Variants in SMAD2 observed in about 807,000 individuals in gnomAD.
SMAD2 encodes the protein SMAD family member 2.
SMAD2 carries 8 observed loss-of-function variants against 64.4 expected under a neutral mutation model. That is an observed-to-expected ratio of 0.12 (90% CI 0.07 to 0.22). The LOEUF is 0.22. Among genes scored for constraint, SMAD2 ranks in the 10% least tolerant of loss-of-function variants. The pLI is 1.00. For missense variants in SMAD2, 289 were observed against 561.2 expected (o/e 0.51, Z 4.90); for synonymous variants, 203 against 195.8 (o/e 1.04, Z -0.31).
At chr18:47,894,011 C>CA (rs1159681082) in intron 2 of SMAD2, among the ~76,000 whole-genome samples, 2 of 152,126 alleles carry the variant, frequency 1.3e-5, no homozygotes, top group South Asian at 2.1e-4. Context: ...TATGAGCTCT[C>CA]AGAGATCTCT....
intron 6 of SMAD2, among the ~76,000 whole-genome samples, chr18:47,863,712 G>A (rs1182283147): frequency 2.6e-5 from 4 of 152,120 alleles, no homozygotes; most frequent in Non-Finnish European, 5.9e-5. Context: ...GGACATCTGA[G>A]TTGTTTCTAA....
chr18:47,861,354 C>A (rs542383858), intron 6 of SMAD2, among the ~76,000 whole-genome samples: 4 of 152,092 alleles, frequency 2.6e-5, no homozygotes, highest in African/African-American at 7.2e-5. Flanking sequence ...AAAAACTGTC[C>A]TTATCAACAG....
At chr18:47,866,917 A>G (rs1404550499) in intron 5 of SMAD2, 2 of 152,260 alleles carry the variant, frequency 1.3e-5, no homozygotes, top group Non-Finnish European at 2.9e-5. Flanking sequence ...GAAAGCCACT[A>G]AACATTCTGG....
chr18:47,898,029 TAC>T (rs2033516846), intron 1 of SMAD2, among the ~76,000 whole-genome samples: 1 of 152,232 alleles, frequency 6.6e-6, no homozygotes, highest in African/African-American at 2.4e-5. Context: ...CAATGATGCT[TAC>T]ATTTTCATTA....
chr18:47,844,325 C>T (rs1914270444), intron 10 of SMAD2, among the ~76,000 whole-genome samples: 1 of 152,132 alleles, frequency 6.6e-6, no homozygotes, highest in South Asian at 2.1e-4. Flanking sequence ...GACTAAATTG[C>T]TGGAAGAAGC....
At position 47,839,126 on chromosome 18, in the gene SMAD2, A is replaced by C. The variant is rs1913703551; in HGVS notation, c.*2701T>G. The C allele has an allele frequency of 4.3e-6, 1 of 233,252 alleles. No individual in the cohort carries two copies. The highest frequency in any genetic ancestry group is 8.5e-6 in the Non-Finnish European group (1 of 118,050). The allele number at this position is 233,252 out of a possible 1,614,324, so 14.4% of individuals were successfully genotyped here. On this transcript the variant is annotated 3_prime_UTR_variant, in exon 11 of 11. Transcript: ENST00000262160. Reference sequence around the variant, plus strand: ...AAATGTAATTACAACCAGGAAGTAAACTGCTCAACAGGTATAACTGCTCAA... The same window carrying C: ...AAATGTAATTACAACCAGGAAGTAACCTGCTCAACAGGTATAACTGCTCAA...
intron 2 of SMAD2, among the ~76,000 whole-genome samples, chr18:47,889,520 C>T (rs1331983696): frequency 6.6e-6 from 1 of 151,922 alleles, no homozygotes; most frequent in East Asian, 1.9e-4. Flanking sequence ...ACCTGTAATC[C>T]CAGCACTTTG....
rs952437227 is a variant in SMAD2, at chr18:47,841,674, C to G, written c.*153G>C. On this transcript the variant is annotated 3_prime_UTR_variant, in exon 11 of 11. Coordinates refer to ENST00000262160, the MANE Select transcript of SMAD2 (RefSeq NM_005901.6). ...CCATCTAATATTCAAATATAGGAAA[C>G]AGATTCCACAAGGTGCTTTAATTGA... 4 of 760,144 alleles carry G rather than the reference C, an allele frequency of 5.3e-6. No individual in the cohort carries two copies. The highest frequency in any genetic ancestry group is 9.0e-6 in the Non-Finnish European group (4 of 445,996). The allele number at this position is 760,144 out of a possible 1,614,324, so 47.1% of individuals were successfully genotyped here. A position where few individuals can be genotyped will look rare whatever the true frequency, so the allele number is the denominator to read the frequency against.
rs765659304 is a variant in SMAD2, at chr18:47,823,876, A to G, written c.*17951T>C. 8.5e-5 allele frequency: 13 copies of G among 152,214 alleles called. No homozygotes were observed. The highest frequency in any genetic ancestry group is 1.3e-4 in the Non-Finnish European group (9 of 68,042). 9.4% of individuals were successfully genotyped at this position (152,214 alleles called of 1,614,324 possible). A position where few individuals can be genotyped will look rare whatever the true frequency, so the allele number is the denominator to read the frequency against. The stretch of plus-strand genomic sequence containing the variant: ...CCAAATTTTCTGCAGAAAGAAGTAC[A>G]ATTCCTAACAGAATAATGCTAGCCC... On this transcript the variant is annotated 3_prime_UTR_variant, in exon 11 of 11. Coordinates refer to ENST00000262160, the MANE Select transcript of SMAD2 (RefSeq NM_005901.6).
In SMAD2 at chr18:47,810,437, C is replaced by T. The variant is rs753065044; in HGVS notation, c.*31390G>A. The T allele has an allele frequency of 2.0e-5, 3 of 152,294 alleles. No individual in the cohort carries two copies. The highest frequency in any genetic ancestry group is 4.4e-5 in the Non-Finnish European group (3 of 68,104). 9.4% of individuals were successfully genotyped at this position (152,294 alleles called of 1,614,324 possible). On this transcript the variant is annotated 3_prime_UTR_variant, in exon 11 of 11. Transcript: ENST00000262160. ...TCCCTGCCCACCTTAATTGCCCCCA[C>T]TGGAACCCTGCAGCAGTTTATGCTA...
At chr18:47,892,277 G>A (rs1041610260) in intron 2 of SMAD2, among the ~76,000 whole-genome samples, 10 of 148,896 alleles carry the variant, frequency 6.7e-5, no homozygotes, top group East Asian at 5.9e-4. Flanking sequence ...TGGGCTCACC[G>A]CAACCTGTGC....
chr18:47,881,003 G>A (rs1019507283), intron 2 of SMAD2, among the ~76,000 whole-genome samples: 1 of 152,118 alleles, frequency 6.6e-6, no homozygotes, highest in African/African-American at 2.4e-5. Context: ...CTTACCTATG[G>A]TGCTTCAAGG....
Position 47,830,173 on chromosome 18 carries a change from G to A in SMAD2, c.*11654C>T, listed in dbSNP as rs1446753963. The A allele has an allele frequency of 3.3e-5, 5 of 152,172 alleles. No homozygotes were observed. The highest frequency in any genetic ancestry group is 1.3e-4 in the Admixed American group (2 of 15,282). The allele number at this position is 152,172 out of a possible 1,614,324, so 9.4% of individuals were successfully genotyped here. A position where few individuals can be genotyped will look rare whatever the true frequency, so the allele number is the denominator to read the frequency against. The stretch of plus-strand genomic sequence containing the variant: ...ATGATTTAAAAGTTGAAATGAAGTA[G>A]CTTGTGGTTCTTGGGTAAAACAGAC... On this transcript the variant is annotated 3_prime_UTR_variant, in exon 11 of 11. Coordinates refer to ENST00000262160, the MANE Select transcript of SMAD2 (RefSeq NM_005901.6).
chr18:47,900,524 G>C (rs1378367024), intron 1 of SMAD2, among the ~76,000 whole-genome samples: 1 of 151,582 alleles, frequency 6.6e-6, no homozygotes. Context: ...TATCAGTTTT[G>C]CTAAGTGGTC....
At chr18:47,844,155 CA>C (rs1260196332) in intron 10 of SMAD2, among the ~76,000 whole-genome samples, 4 of 152,172 alleles carry the variant, frequency 2.6e-5, no homozygotes, top group Non-Finnish European at 4.4e-5. Flanking sequence ...CAATATAACT[CA>C]GAAAAAAATA....
chr18:47,871,113 G>A (rs1223247857), intron 2 of SMAD2, among the ~76,000 whole-genome samples: 1 of 152,114 alleles, frequency 6.6e-6, no homozygotes, highest in Non-Finnish European at 1.5e-5. Context: ...TTCTAATTTA[G>A]TATACCACCT....
Position 47,827,554 on chromosome 18 carries a change from C to T in SMAD2, c.*14273G>A, listed in dbSNP as rs533166865. ...GAGCCAAGGCTGGACTGTACTGCCG[C>T]CATCTCGGCTCACTGCAACCTCCCT... On this transcript the variant is annotated 3_prime_UTR_variant, in exon 11 of 11. Coordinates refer to ENST00000262160, the MANE Select transcript of SMAD2 (RefSeq NM_005901.6). 1.3e-5 allele frequency: 2 copies of T among 153,074 alleles called. No individual in the cohort carries two copies. The highest frequency in any genetic ancestry group is 2.9e-5 in the Non-Finnish European group (2 of 68,716). 9.5% of individuals were successfully genotyped at this position (153,074 alleles called of 1,614,324 possible).
At chr18:47,846,828 A>G (rs956280340) in intron 8 of SMAD2, among the ~76,000 whole-genome samples, 7 of 152,164 alleles carry the variant, frequency 4.6e-5, no homozygotes, top group Admixed American at 2.6e-4. Context: ...CGTGAGGTAA[A>G]AAACTGATGT....
intron 5 of SMAD2, among the ~76,000 whole-genome samples, chr18:47,865,472 A>G (rs1455400254): frequency 1.3e-5 from 2 of 152,226 alleles, no homozygotes; most frequent in African/African-American, 4.8e-5. Context: ...CAAAACCATC[A>G]GTAACTACAA....
Sources: gnomAD v4.1 joint callset for allele counts (sites outside exome capture counted in the v4.1 genomes callset) on GRCh38, gnomAD v4.1.1 for gene constraint, MANE v1.5 for transcripts, NCBI Gene and HGNC (gene_info 2026-07-23, HGNC 2026-07-21) for gene names.